Variants in KATNAL2 observed in about 807,000 individuals in gnomAD.
KATNAL2 encodes katanin p60 ATPase-containing subunit A-like 2.
A neutral mutation model predicts 76.3 loss-of-function variants in KATNAL2; 52 were observed. That is an observed-to-expected ratio of 0.68 (90% CI 0.55 to 0.86). The LOEUF is 0.86. Ranked by LOEUF, KATNAL2 falls within the 40% of genes least tolerant of loss-of-function variation. KATNAL2 has a pLI of 0.00. For missense variants in KATNAL2, 660 were observed against 668.9 expected, an observed-to-expected ratio of 0.99 and a Z score of 0.15; for synonymous variants, 243 against 244.2, an observed-to-expected ratio of 1.00 and a Z score of 0.05.
intron 14 of KATNAL2, among the ~76,000 whole-genome samples, chr18:47,075,595 C>T (rs1225791506): frequency 1.3e-5 from 2 of 152,212 alleles, no homozygotes; most frequent in Non-Finnish European, 2.9e-5. Context: ...ATTCTCCCTT[C>T]CCCCGTTCCC....
intron 13 of KATNAL2, among the ~76,000 whole-genome samples, chr18:47,071,143 A>G (rs942316121): frequency 6.6e-6 from 1 of 152,062 alleles, no homozygotes; most frequent in Admixed American, 6.6e-5. Flanking sequence ...GAGACTATAG[A>G]TGCACACCAC....
intron 3 of KATNAL2, chr18:47,034,219 C>A (rs2571029): frequency 6.2e-7 from 1 of 1,613,888 alleles, no homozygotes; most frequent in South Asian, 1.1e-5. Context: ...CGGTGGCTTC[C>A]CCTCTTGAGT....
intron 1 of KATNAL2, among the ~76,000 whole-genome samples, chr18:46,942,713 A>G (rs145241159): frequency 3.0e-4 from 46 of 152,298 alleles, no homozygotes; most frequent in Non-Finnish European, 6.3e-4. Flanking sequence ...CTTGATTACA[A>G]TAATAGTTAT....
chr18:47,099,343 C>A lies in KATNAL2; in HGVS notation c.1312C>A (p.Pro438Thr). ...RQAMIYHWLP[P>T]VSKSRALELH... ...GGCCATGATCTACCACTGGCTGCCT[C>A]CTGTGAGCAAGAGCAGGGCCTTGGA... The change falls in exon 16 of 18, where the codon CCT becomes ACT. Residue 438 changes from proline (P) to threonine (T), a missense_variant. Transcript: ENST00000683218. The A allele has an allele frequency of 6.2e-7, 1 of 1,614,102 alleles. No homozygotes were observed. Among genetic ancestry groups the A allele is most frequent in the Non-Finnish European group, 8.5e-7 (1 of 1,179,966 alleles).
intron 3 of KATNAL2, among the ~76,000 whole-genome samples, chr18:46,960,103 A>G (rs755558821): frequency 6.6e-6 from 1 of 152,136 alleles, no homozygotes; most frequent in African/African-American, 2.4e-5. Context: ...AAGGCCTTCT[A>G]TTTGGAAGCA....
At chr18:47,099,432 G>GAGCCACAAAGAATGACTGTGATGA in intron 16 of KATNAL2, 27 bp downstream of exon 16, 1 of 1,587,432 alleles carries the variant, frequency 6.3e-7, no homozygotes. Flanking sequence ...AGGGGCACAT[G>GAGCCACAAAGAATGACTGTGATGA]TAGGTCAAGG....
rs1015963360 is a variant in KATNAL2, at chr18:47,066,283, GC to G, written c.727-734del. On this transcript the variant is annotated intron_variant, in intron 10 of 17. Transcript: ENST00000683218. ...CCTGAAACAACTCCTACTGAGAAAG[GC>G]CCCTTAGTGACTGCTCTGAGGCGTC... Among the ~76,000 whole-genome samples, 18 of 152,204 alleles carry G rather than the reference GC, an allele frequency of 1.2e-4. 1 individual carries two copies. Among genetic ancestry groups the G allele is most frequent in the Non-Finnish European group, 2.1e-4 (14 of 68,010 alleles).
At chr18:47,050,647 A>C (rs973680568) in intron 4 of KATNAL2, among the ~76,000 whole-genome samples, 5 of 152,228 alleles carry the variant, frequency 3.3e-5, no homozygotes, top group African/African-American at 1.2e-4. Flanking sequence ...CTGCTGGGAA[A>C]GGGACAAATG....
intron 3 of KATNAL2, among the ~76,000 whole-genome samples, chr18:47,043,195 C>G (rs560837135): frequency 1.5e-5 from 2 of 131,964 alleles, no homozygotes; most frequent in African/African-American, 2.9e-5. Context: ...CCACTACACT[C>G]CAGCCCCGGC....
At chr18:47,032,826 G>T (rs2146937194) in intron 3 of KATNAL2, 3 of 1,197,676 alleles carry the variant, frequency 2.5e-6, no homozygotes, top group South Asian at 1.5e-5. Flanking sequence ...GGAGGTAGTG[G>T]CTGGGTGTGG....
intron 3 of KATNAL2, among the ~76,000 whole-genome samples, chr18:46,966,135 T>TAA (rs1184922379): frequency 6.4e-5 from 9 of 139,878 alleles, no homozygotes; most frequent in African/African-American, 2.1e-4. Flanking sequence ...TGCAGAGAAA[T>TAA]AAGTAAATTT....
At chr18:47,044,278 C>A (rs2061074668) in intron 3 of KATNAL2, among the ~76,000 whole-genome samples, 2 of 152,100 alleles carry the variant, frequency 1.3e-5, no homozygotes, top group Non-Finnish European at 1.5e-5. Context: ...CAAAGCTATC[C>A]TGGGCCACAG....
chr18:47,087,991 T>C (rs1308695954), intron 15 of KATNAL2, among the ~76,000 whole-genome samples: 1 of 152,226 alleles, frequency 6.6e-6, no homozygotes, highest in Non-Finnish European at 1.5e-5. Context: ...GCCAGCCTGT[T>C]GAACACCTTT....
rs1045272395 is a variant in KATNAL2 at position 47,058,286 on chromosome 18, C to T, written c.384C>T (p.Pro128=). Residue 128 remains proline, a synonymous_variant, in exon 7 of 18, where the codon CCC becomes CCT. Transcript: ENST00000683218. The stretch of plus-strand genomic sequence containing the variant: ...TTCCCAAGATCAATCAGCAGAGGCC[C>T]CGGTCCAAAACCACAGCGGGGAAGA... ...QNLPKINQQR[P]RSKTTAGKTG... is the part of the protein sequence containing the mutation. 2.5e-5 allele frequency: 40 copies of T among 1,614,088 alleles called. No homozygotes were observed. Among genetic ancestry groups the T allele is most frequent in the Non-Finnish European group, 3.3e-5 (39 of 1,179,982 alleles).
intron 15 of KATNAL2, among the ~76,000 whole-genome samples, chr18:47,082,868 C>G (rs2062594988): frequency 6.6e-6 from 1 of 152,160 alleles, no homozygotes; most frequent in Non-Finnish European, 1.5e-5. Flanking sequence ...AAGTTTCCCC[C>G]CGCAGAGGTT....
intron 3 of KATNAL2, among the ~76,000 whole-genome samples, chr18:46,956,344 A>G (rs2059746385): frequency 6.6e-6 from 1 of 152,196 alleles, no homozygotes; most frequent in African/African-American, 2.4e-5. Context: ...TGACACTAAC[A>G]CTACTGATTA....
chr18:46,918,100 A>G (rs2058206725), intron 1 of KATNAL2, 174 bp downstream of exon 1: 1 of 152,050 alleles, frequency 6.6e-6, no homozygotes, highest in African/African-American at 2.4e-5. Flanking sequence ...GAAGTGAAAT[A>G]AGAGCGCTCA....
chr18:47,087,624 T>C (rs1289615877), intron 15 of KATNAL2, among the ~76,000 whole-genome samples: 2 of 152,010 alleles, frequency 1.3e-5, no homozygotes, highest in African/African-American at 4.8e-5. Context: ...ACTGATGAAA[T>C]AATCTGTACA....
rs2062162975 is a variant in KATNAL2 at position 47,075,315 on chromosome 18, G to T, written c.1047G>T (p.Thr349=). 1 of 1,561,532 alleles carries T rather than the reference G, an allele frequency of 6.4e-7. No individual in the cohort carries two copies. The highest frequency in any genetic ancestry group is 8.6e-7 in the Non-Finnish European group (1 of 1,158,676). ...TTGCCCGCTACCACGCCCCATCCAC[G>T]ATCTTCCTGGACGAGCTGGAGTCGG... is the stretch of plus-strand genomic sequence containing the variant. The part of the protein sequence containing the change: ...FELARYHAPS[T]IFLDELESVM... The change falls in exon 14 of 18, where the codon ACG becomes ACT. Residue 349 remains threonine, a synonymous_variant. Coordinates refer to ENST00000683218, the MANE Select transcript of KATNAL2 (RefSeq NM_001387690.1).
Sources: allele counts gnomAD v4.1 joint callset (sites outside exome capture counted in the v4.1 genomes callset), GRCh38; gene constraint gnomAD v4.1.1; transcripts MANE v1.5; gene names NCBI Gene and HGNC (gene_info 2026-07-23, HGNC 2026-07-21).